Variants in TM9SF3 observed in about 807,000 individuals in gnomAD.
TM9SF3 encodes the protein transmembrane 9 superfamily member 3, also known as SM-11044-binding protein.
TM9SF3 carries 14 observed loss-of-function variants against 78.6 expected under a neutral mutation model. That is an observed-to-expected ratio of 0.18 (90% CI 0.12 to 0.28). The LOEUF is 0.28. TM9SF3 is among the 10% of genes least tolerant of loss of function. The pLI is 1.00. For synonymous variants in TM9SF3, 231 were observed against 241.7 expected (o/e 0.96, Z 0.41); for missense variants, 496 against 721.9 (o/e 0.69, Z 3.59).
At chr10:96,571,697 A>G (rs752417394) in intron 2 of TM9SF3, among the ~76,000 whole-genome samples, 2 of 152,248 alleles carry the variant, frequency 1.3e-5, no homozygotes, top group African/African-American at 2.4e-5. Flanking sequence ...TTAACTCTAA[A>G]GAAAAAAATA....
intron 4 of TM9SF3, among the ~76,000 whole-genome samples, chr10:96,561,346 T>C (rs1447480754): frequency 6.6e-6 from 1 of 152,236 alleles, no homozygotes; most frequent in Non-Finnish European, 1.5e-5. Flanking sequence ...TAAGGATTAT[T>C]TGCATCAGGT....
intron 12 of TM9SF3, among the ~76,000 whole-genome samples, chr10:96,527,792 C>T (rs1255797618): frequency 1.3e-5 from 2 of 152,020 alleles, no homozygotes; most frequent in African/African-American, 4.8e-5. Flanking sequence ...TCATAAAACT[C>T]TTTTCATATC....
chr10:96,524,752 T>G (rs1200226259), intron 14 of TM9SF3, among the ~76,000 whole-genome samples: 1 of 151,938 alleles, frequency 6.6e-6, no homozygotes, highest in Non-Finnish European at 1.5e-5. Context: ...CAACAAATAT[T>G]TTTGTTTTAA....
chr10:96,570,017 G>A lies in TM9SF3; in HGVS notation c.299-4591C>T, dbSNP rs143936784. Among the ~76,000 whole-genome samples, 217 of 151,988 alleles carry A rather than the reference G, an allele frequency of 1.4e-3. 1 individual carries two copies. Among genetic ancestry groups the A allele is most frequent in the African/African-American group, 4.8e-3 (200 of 41,472 alleles). Reference sequence around the variant, plus strand: ...CAGCCTAGCAACAGAGCGAGACTCCGTCTCAAAAAAAAGAAAGAAAATGGG... The same window carrying A: ...CAGCCTAGCAACAGAGCGAGACTCCATCTCAAAAAAAAGAAAGAAAATGGG... On this transcript the variant is annotated intron_variant, in intron 2 of 14. Coordinates refer to ENST00000371142, the MANE Select transcript of TM9SF3 (RefSeq NM_020123.4).
At chr10:96,525,329 A>G (rs536667423) in intron 14 of TM9SF3, among the ~76,000 whole-genome samples, 1 of 152,208 alleles carries the variant, frequency 6.6e-6, no homozygotes, top group East Asian at 1.9e-4. Flanking sequence ...GTTGGTTACT[A>G]ATTATCACAG....
chr10:96,548,797 C>CAAAAAAAAAAAAAAAAAAAAAAAAAA (rs5787196), intron 7 of TM9SF3, among the ~76,000 whole-genome samples: 1 of 58,480 alleles, frequency 1.7e-5, no homozygotes. Context: ...GACTCCATCT[C>CAAAAAAAAAAAAAAAAAAAAAAAAAA]AAAAAAAAAA....
intron 6 of TM9SF3, 98 bp downstream of exon 6, chr10:96,552,830 A>T: frequency 8.2e-7 from 1 of 1,219,978 alleles, no homozygotes; most frequent in South Asian, 2.6e-5. Context: ...GTGGAAACTC[A>T]AAGACTTCCG....
rs911331541 is a variant in TM9SF3, at chr10:96,544,954, A to C, written c.1055-748T>G. Among the ~76,000 whole-genome samples, 3 of 152,230 alleles carry C rather than the reference A, an allele frequency of 2.0e-5. No homozygotes were observed. In the East Asian group the frequency reaches 5.8e-4, roughly 29 times the overall value. ...AAGAGCATTTCTACGTTTGAAAAGA[A>C]AAAAAACCAATGTGTTTCATAAGCT... On this transcript the variant is annotated intron_variant, in intron 8 of 14. Coordinates refer to ENST00000371142, the MANE Select transcript of TM9SF3 (RefSeq NM_020123.4).
intron 2 of TM9SF3, among the ~76,000 whole-genome samples, chr10:96,574,519 T>C (rs1363535354): frequency 6.6e-6 from 1 of 152,180 alleles, no homozygotes; most frequent in Non-Finnish European, 1.5e-5. Context: ...GTGTGGCAAT[T>C]CCTCAAGGAT....
At position 96,586,992 on chromosome 10, in the gene TM9SF3, T is replaced by C. The variant is rs547549059; in HGVS notation, c.-157A>G. On this transcript the variant is annotated 5_prime_UTR_variant, in exon 1 of 15. Coordinates refer to ENST00000371142, the MANE Select transcript of TM9SF3 (RefSeq NM_020123.4). Reference sequence around the variant, plus strand: ...GCCGCTGCCTCCTCTGCCGCCGCCGTCGCCGTCACCGCCCGCTCCTGAGCC... The same window carrying C: ...GCCGCTGCCTCCTCTGCCGCCGCCGCCGCCGTCACCGCCCGCTCCTGAGCC... 6.7e-5 allele frequency: 30 copies of C among 450,134 alleles called. No homozygotes were observed. The East Asian group carries it at 1.6e-3, about 25-fold the overall frequency. The allele number at this position is 450,134 out of a possible 1,614,324, so 27.9% of individuals were successfully genotyped here. A position where few individuals can be genotyped will look rare whatever the true frequency, so the allele number is the denominator to read the frequency against.
chr10:96,545,801 A>G (rs1311064378), intron 8 of TM9SF3, among the ~76,000 whole-genome samples: 1 of 152,240 alleles, frequency 6.6e-6, no homozygotes, highest in Non-Finnish European at 1.5e-5. Context: ...AGGTAGGAGA[A>G]TCGCTTGAAC....
chr10:96,560,030 A>ATTAGT (rs1381153494), intron 4 of TM9SF3, among the ~76,000 whole-genome samples: 1 of 152,214 alleles, frequency 6.6e-6, no homozygotes, highest in Non-Finnish European at 1.5e-5. Flanking sequence ...TATGAACTGA[A>ATTAGT]TTAGTATAAG....
Position 96,586,770 on chromosome 10 carries a change from C to T in TM9SF3, c.66G>A (p.Leu22=). Residue 22 remains leucine (L), a synonymous_variant, in exon 1 of 15, where the codon CTG becomes CTA. Coordinates refer to ENST00000371142, the MANE Select transcript of TM9SF3 (RefSeq NM_020123.4). ...AAAALWLLLL[L]LPRTRADEHE... The stretch of plus-strand genomic sequence containing the variant: ...GCTCGTCCGCCCGGGTCCGGGGCAG[C>T]AGCAGCAGCAGCAGCCACAGCGCGG... 1 of 1,286,292 alleles carries T rather than the reference C, an allele frequency of 7.8e-7. No individual in the cohort carries two copies. Among genetic ancestry groups the T allele is most frequent in the Non-Finnish European group, 9.8e-7 (1 of 1,015,632 alleles). The allele number at this position is 1,286,292 out of a possible 1,614,324, so 79.7% of individuals were successfully genotyped here.
Position 96,560,911 on chromosome 10 carries a change from C to A in TM9SF3, c.582+1067G>T, listed in dbSNP as rs1236444422. On this transcript the variant is annotated intron_variant, in intron 4 of 14. Transcript: ENST00000371142. The stretch of plus-strand genomic sequence containing the variant: ...TAAAGCAAAAATGCAAGCAAGTATA[C>A]AAAAAGTGCATTGAACAGTTCAGGG... 7.7e-6 allele frequency: 4 copies of A among 519,186 alleles called. No individual in the cohort carries two copies. The African/African-American group carries it at 7.8e-5, about 10-fold the overall frequency. 32.2% of individuals were successfully genotyped at this position (519,186 alleles called of 1,614,324 possible).
intron 3 of TM9SF3, among the ~76,000 whole-genome samples, chr10:96,563,429 G>A (rs1299032086): frequency 6.6e-6 from 1 of 151,650 alleles, no homozygotes; most frequent in East Asian, 1.9e-4. Context: ...TGGATAGAGT[G>A]CAAAGGTGCA....
At chr10:96,547,027 C>A (rs1051174201) in intron 8 of TM9SF3, among the ~76,000 whole-genome samples, 4 of 152,194 alleles carry the variant, frequency 2.6e-5, no homozygotes, top group Non-Finnish European at 5.9e-5. Context: ...CACCAAGGAG[C>A]AGTATCCTTG....
chr10:96,572,306 A>G (rs143430377), intron 2 of TM9SF3, among the ~76,000 whole-genome samples: 6 of 152,052 alleles, frequency 3.9e-5, no homozygotes, highest in Admixed American at 2.0e-4. Flanking sequence ...CAGATAAGCA[A>G]TACGAGATCA....
intron 10 of TM9SF3, among the ~76,000 whole-genome samples, chr10:96,532,136 G>A (rs1847904611): frequency 6.6e-6 from 1 of 151,070 alleles, no homozygotes; most frequent in African/African-American, 2.4e-5. Flanking sequence ...CATGAATCCA[G>A]GAAGTGGAGC....
chr10:96,556,094 T>A (rs1204624174), intron 5 of TM9SF3, among the ~76,000 whole-genome samples: 1 of 152,224 alleles, frequency 6.6e-6, no homozygotes, highest in Non-Finnish European at 1.5e-5. Context: ...TTATGAGATG[T>A]TGTATAATTG....
Sources: allele counts gnomAD v4.1 joint callset (sites outside exome capture counted in the v4.1 genomes callset), GRCh38; gene constraint gnomAD v4.1.1; transcripts MANE v1.5; gene names NCBI Gene and HGNC (gene_info 2026-07-23, HGNC 2026-07-21).